AK4: variants seen among roughly 807,000 people sequenced by gnomAD.
AK4 encodes the protein adenylate kinase 4.
AK4 carries 13 observed loss-of-function variants against 24.6 expected under a neutral mutation model. The ratio of observed to expected loss-of-function variants is 0.53; its 90% CI spans 0.34 to 0.84. The LOEUF is 0.84. Among genes scored for constraint, AK4 ranks in the 40% least tolerant of loss-of-function variants. The probability of loss-of-function intolerance (pLI) is 0.01; values close to 1 mark genes in which losing one functional copy is unlikely to be tolerated. For synonymous variants in AK4, 88 were observed against 107.0 expected (o/e 0.82, Z 1.10); for missense variants, 192 against 288.2 (o/e 0.67, Z 2.42).
At chr1:65,208,531 T>C (rs1308225206) in intron 2 of AK4, among the ~76,000 whole-genome samples, 1 of 152,228 alleles carries the variant, frequency 6.6e-6, no homozygotes, top group Non-Finnish European at 1.5e-5. Flanking sequence ...ATTTGTAACT[T>C]GGTTCTTACT....
At chr1:65,205,022 C>T (rs1033333050) in intron 2 of AK4, among the ~76,000 whole-genome samples, 1 of 152,172 alleles carries the variant, frequency 6.6e-6, no homozygotes, top group African/African-American at 2.4e-5. Flanking sequence ...TGCTGTTTAA[C>T]ACAGCTTTTT....
At chr1:65,220,871 G>A (rs1652275117) in intron 3 of AK4, among the ~76,000 whole-genome samples, 1 of 152,170 alleles carries the variant, frequency 6.6e-6, no homozygotes, top group Non-Finnish European at 1.5e-5. Context: ...GTTTGTGTGT[G>A]TGAGTGTGTG....
At chr1:65,150,514 T>G (rs1649735966) in intron 1 of AK4, among the ~76,000 whole-genome samples, 1 of 152,204 alleles carries the variant, frequency 6.6e-6, no homozygotes, top group South Asian at 2.1e-4. Context: ...GAAAGTGGCT[T>G]GTTTCTAGTG....
chr1:65,156,833 TGA>T (rs1649999807), intron 1 of AK4, among the ~76,000 whole-genome samples: 1 of 150,758 alleles, frequency 6.6e-6, no homozygotes, highest in Admixed American at 6.6e-5. Context: ...GAGATTTACT[TGA>T]GAATTGCTTG....
At chr1:65,152,374 A>T (rs1193601779) in intron 1 of AK4, among the ~76,000 whole-genome samples, 2 of 68,984 alleles carry the variant, frequency 2.9e-5, no homozygotes, top group African/African-American at 9.7e-5. Context: ...ATATATATAT[A>T]TATATATATA....
intron 2 of AK4, among the ~76,000 whole-genome samples, chr1:65,203,114 C>A (rs749986280): frequency 2.0e-5 from 3 of 152,052 alleles, no homozygotes; most frequent in Middle Eastern, 3.2e-3. Flanking sequence ...CTCAAGCAAT[C>A]CTCCTGTCTC....
intron 2 of AK4, 60 bp downstream of exon 2, chr1:65,190,889 C>A: frequency 6.5e-7 from 1 of 1,543,970 alleles, no homozygotes; most frequent in Non-Finnish European, 8.7e-7. Flanking sequence ...GTCTTGCACA[C>A]TCCCTTAACT....
At chr1:65,193,271 G>A (rs1312839623) in intron 2 of AK4, among the ~76,000 whole-genome samples, 3 of 152,198 alleles carry the variant, frequency 2.0e-5, no homozygotes, top group Non-Finnish European at 1.5e-5. Flanking sequence ...GTGGAGCCAC[G>A]CCTGAAGCTG....
intron 2 of AK4, among the ~76,000 whole-genome samples, chr1:65,204,107 A>G (rs1463500945): frequency 1.3e-5 from 2 of 152,230 alleles, no homozygotes; most frequent in Admixed American, 1.3e-4. Context: ...GTTGAAAAGC[A>G]TCATTCTAGA....
chr1:65,209,679 T>C (rs1407447406), intron 2 of AK4, among the ~76,000 whole-genome samples: 1 of 152,200 alleles, frequency 6.6e-6, no homozygotes, highest in African/African-American at 2.4e-5. Flanking sequence ...GACACAGATG[T>C]AGATCAATTT....
chr1:65,148,299 G>A lies in AK4; in HGVS notation c.-109G>A. 2.1e-6 allele frequency: 3 copies of A among 1,425,800 alleles called. No homozygotes were observed. Among genetic ancestry groups the A allele is most frequent in the Non-Finnish European group, 2.8e-6 (3 of 1,084,696 alleles). 88.3% of individuals were successfully genotyped at this position (1,425,800 alleles called of 1,614,324 possible). A position where few individuals can be genotyped will look rare whatever the true frequency, so the allele number is the denominator to read the frequency against. ...GTAGGGGCGGCCGGCGAGTCCCAGT[G>A]AGAGCGGAGGGTGCCAGAGGTAGGG... On this transcript the variant is annotated 5_prime_UTR_variant, in exon 1 of 5. Coordinates refer to ENST00000327299, the MANE Select transcript of AK4 (RefSeq NM_013410.4).
At chr1:65,209,892 T>TGGCCTCCTGGACTCAAGCG (rs1553126862) in intron 2 of AK4, among the ~76,000 whole-genome samples, 1 of 152,044 alleles carries the variant, frequency 6.6e-6, no homozygotes, top group Non-Finnish European at 1.5e-5. Context: ...ACTGCAGCCT[T>TGGCCTCCTGGACTCAAGCG]GGCCTCCTGG....
chr1:65,190,420 C>T (rs1651263839), intron 1 of AK4, among the ~76,000 whole-genome samples: 3 of 116,930 alleles, frequency 2.6e-5, no homozygotes, highest in African/African-American at 6.5e-5. Context: ...GAGCCACACA[C>T]GTGGCCACTG....
At chr1:65,213,074 C>T (rs548064310) in intron 2 of AK4, among the ~76,000 whole-genome samples, 6 of 152,320 alleles carry the variant, frequency 3.9e-5, no homozygotes, top group Admixed American at 2.6e-4. Context: ...GAAAATACCA[C>T]AAAGCTGCCA....
At chr1:65,188,723 C>A (rs1373884488) in intron 1 of AK4, among the ~76,000 whole-genome samples, 1 of 151,748 alleles carries the variant, frequency 6.6e-6, no homozygotes, top group Non-Finnish European at 1.5e-5. Flanking sequence ...CGTGATCCAC[C>A]CACCTCAGCC....
At chr1:65,177,342 A>C (rs114866298) in intron 1 of AK4, among the ~76,000 whole-genome samples, 5,735 of 152,278 alleles carry the variant, frequency 0.038, 195 homozygotes, top group Admixed American at 0.11. Flanking sequence ...TATATTAAAT[A>C]AGTTATAAAC....
intron 2 of AK4, among the ~76,000 whole-genome samples, chr1:65,208,588 G>T (rs1651878290): frequency 6.6e-6 from 1 of 152,196 alleles, no homozygotes; most frequent in South Asian, 2.1e-4. Context: ...AACTATGTTA[G>T]CTCCAGATCT....
rs1477256405 is a variant in AK4, at chr1:65,196,045, C to G, written c.265+5216C>G. 1.3e-5 allele frequency among the ~76,000 whole-genome samples: 2 copies of G among 152,122 alleles called. 1 individual carries two copies. Among genetic ancestry groups the G allele is most frequent in the African/African-American group, 4.8e-5 (2 of 41,416 alleles). On this transcript the variant is annotated intron_variant, in intron 2 of 4. Coordinates refer to ENST00000327299, the MANE Select transcript of AK4 (RefSeq NM_013410.4). ...TTCTCCTTGAAAACCCATCTGGTCACTTTTTCAGTTGCGATTTTTCTTTAA... is the reference window on the plus strand; with the variant it reads ...TTCTCCTTGAAAACCCATCTGGTCAGTTTTTCAGTTGCGATTTTTCTTTAA...
At chr1:65,167,323 G>A (rs905559307) in intron 1 of AK4, among the ~76,000 whole-genome samples, 1 of 151,932 alleles carries the variant, frequency 6.6e-6, no homozygotes, top group African/African-American at 2.4e-5. Flanking sequence ...CTGCATAACT[G>A]GTAGAACAGC....
Sources: gnomAD v4.1 joint callset for allele counts (sites outside exome capture counted in the v4.1 genomes callset) on GRCh38, gnomAD v4.1.1 for gene constraint, MANE v1.5 for transcripts, NCBI Gene and HGNC (gene_info 2026-07-23, HGNC 2026-07-21) for gene names.